Variants in GPR89B observed in about 807,000 individuals in gnomAD.
GPR89B encodes golgi pH regulator B, also known as G protein-coupled receptor 89B.
Under a neutral mutation model 52.4 loss-of-function variants are expected in GPR89B, and 25 were observed. The ratio of observed to expected loss-of-function variants is 0.48; its 90% CI spans 0.35 to 0.67. GPR89B has a LOEUF of 0.67. GPR89B is among the 30% of genes least tolerant of loss of function. The pLI is 0.01. For missense variants in GPR89B, 146 were observed against 450.2 expected (o/e 0.32, Z 6.11); for synonymous variants, 52 against 151.2 (o/e 0.34, Z 4.81).
chr1:148,004,306 G>A, the GPR89B span, among the ~76,000 whole-genome samples: 9 of 151,272 alleles, frequency 5.9e-5, no homozygotes, highest in African/African-American at 1.9e-4. Context: ...ACAGGCGCCC[G>A]CCACCGCACC....
At chr1:148,009,096 G>A in the GPR89B span, among the ~76,000 whole-genome samples, 1 of 152,116 alleles carries the variant, frequency 6.6e-6, no homozygotes, top group African/African-American at 2.4e-5. Context: ...AAACACTCAG[G>A]GACAGGAGTA....
chr1:148,002,516 A>G, the GPR89B span, among the ~76,000 whole-genome samples: 1 of 152,150 alleles, frequency 6.6e-6, no homozygotes, highest in Non-Finnish European at 1.5e-5. Flanking sequence ...TTGGAACTAA[A>G]CAACTATTTG....
downstream of GPR89B, among the ~76,000 whole-genome samples, chr1:147,997,059 T>C (rs1484545707): frequency 1.3e-5 from 2 of 152,228 alleles, no homozygotes; most frequent in African/African-American, 2.4e-5. Context: ...TTCATGATAG[T>C]GAGCAAGTCA....
At chr1:147,945,156 T>TA (rs1654863546) in intron 5 of GPR89B, among the ~76,000 whole-genome samples, 1 of 138,646 alleles carries the variant, frequency 7.2e-6, no homozygotes, top group Non-Finnish European at 1.5e-5. Flanking sequence ...GTCTATGACA[T>TA]CAGGGACCTC....
the GPR89B span, among the ~76,000 whole-genome samples, chr1:148,007,355 G>C: frequency 6.6e-6 from 1 of 152,078 alleles, no homozygotes; most frequent in South Asian, 2.1e-4. Flanking sequence ...GATTACAGGC[G>C]TGAGCCACTG....
At chr1:147,987,244 C>T (rs1245643450) in intron 11 of GPR89B, among the ~76,000 whole-genome samples, 2 of 152,236 alleles carry the variant, frequency 1.3e-5, no homozygotes, top group South Asian at 2.1e-4. Flanking sequence ...TTACAGGCCA[C>T]GCAGTACTGT....
At chr1:147,991,658 G>C (rs1208476032) in intron 12 of GPR89B, among the ~76,000 whole-genome samples, 3 of 152,108 alleles carry the variant, frequency 2.0e-5, no homozygotes, top group African/African-American at 4.8e-5. Context: ...TAGCATGAAG[G>C]GCTGTTGAAT....
the GPR89B span, among the ~76,000 whole-genome samples, chr1:148,007,077 CTT>C: frequency 1.5e-4 from 20 of 136,512 alleles, no homozygotes; most frequent in South Asian, 2.3e-4. Flanking sequence ...GCATTTTTGG[CTT>C]TTTTTTTTTT....
At chr1:148,019,250 C>G in the GPR89B span, among the ~76,000 whole-genome samples, 1 of 151,534 alleles carries the variant, frequency 6.6e-6, no homozygotes, top group Non-Finnish European at 1.5e-5. Context: ...GCTGAGATTA[C>G]AGATGTGAAC....
the GPR89B span, among the ~76,000 whole-genome samples, chr1:147,998,875 T>C: frequency 7.7e-6 from 1 of 129,196 alleles, no homozygotes; most frequent in Admixed American, 7.8e-5. Context: ...CGGGAGACTC[T>C]GTCTCAAAAA....
Position 147,937,387 on chromosome 1 carries a change from A to G in GPR89B, c.102+701A>G, listed in dbSNP as rs1553248132. Among the ~76,000 whole-genome samples the G allele has an allele frequency of 2.0e-5, 3 of 152,212 alleles. No individual in the cohort carries two copies. The East Asian group carries it at 5.8e-4, about 29-fold the overall frequency. On this transcript the variant is annotated intron_variant, in intron 2 of 13. Transcript: ENST00000314163. Reference sequence around the variant, plus strand: ...AGGGTCTGTGTCCCACTGTGCACACATTGTCTTTATAAACATTTTAACAGG... The same window carrying G: ...AGGGTCTGTGTCCCACTGTGCACACGTTGTCTTTATAAACATTTTAACAGG...
Position 147,992,543 on chromosome 1 carries a change from T to C in GPR89B, c.1137T>C (p.Ile379=). ...AISSSKSSNV[I]VLLLAQIMGM... ...CTAGCAGTAAGTCCTCCAATGTCAT[T>C]GTCCTGCTATTAGCACAGATAATGG... Residue 379 remains isoleucine, a synonymous_variant, in exon 13 of 14, where the codon ATT becomes ATC. Transcript: ENST00000314163. The C allele has an allele frequency of 1.2e-6, 2 of 1,611,568 alleles. No individual in the cohort carries two copies. Among genetic ancestry groups the C allele is most frequent in the Non-Finnish European group, 8.5e-7 (1 of 1,179,624 alleles).
At chr1:147,943,220 A>G (rs1267623183) in intron 3 of GPR89B, among the ~76,000 whole-genome samples, 1 of 151,892 alleles carries the variant, frequency 6.6e-6, no homozygotes, top group Admixed American at 6.6e-5. Flanking sequence ...ATTTTAATAT[A>G]TGAAATTCTT....
the GPR89B span, among the ~76,000 whole-genome samples, chr1:148,016,996 T>TTG: frequency 1.3e-5 from 2 of 151,066 alleles, no homozygotes. Flanking sequence ...TTTGGTTTTG[T>TTG]CTTGCTTGCT....
In GPR89B at chr1:147,969,869, G is replaced by C; in HGVS notation, c.819G>C (p.Glu273Asp). 6.9e-7 allele frequency: 1 copy of C among 1,449,014 alleles called. No individual in the cohort carries two copies. The highest frequency in any genetic ancestry group is 9.3e-7 in the Non-Finnish European group (1 of 1,075,532). 89.8% of individuals were successfully genotyped at this position (1,449,014 alleles called of 1,614,324 possible). A position where few individuals can be genotyped will look rare whatever the true frequency, so the allele number is the denominator to read the frequency against. The change falls in exon 10 of 14, where the codon GAG becomes GAC. Residue 273 changes from glutamate to aspartate, a missense_variant and splice_region_variant. Physicochemically the swap from Glu to Asp is conservative, Grantham distance 45 (BLOSUM62 2). Transcript: ENST00000314163. The part of the protein sequence containing the change: ...LETADLYATK[E>D]RIEYSKTFKG... Reference sequence around the variant, plus strand: ...GTTTTGTGTTTGTTTTCCCCCAGGAGAGAATAGAATACTCCAAAACCTTCA... The same window carrying C: ...GTTTTGTGTTTGTTTTCCCCCAGGACAGAATAGAATACTCCAAAACCTTCA...
the GPR89B span, among the ~76,000 whole-genome samples, chr1:148,009,158 A>G: frequency 6.6e-6 from 1 of 152,130 alleles, no homozygotes; most frequent in African/African-American, 2.4e-5. Context: ...CCATTGCACA[A>G]CTGTGCAAGG....
downstream of GPR89B, among the ~76,000 whole-genome samples, chr1:147,998,106 T>C (rs1484769109): frequency 5.3e-5 from 8 of 150,500 alleles, no homozygotes; most frequent in Admixed American, 6.6e-5. Flanking sequence ...ACTGGCTGTT[T>C]TAGTTGAGAC....
intron 10 of GPR89B, among the ~76,000 whole-genome samples, chr1:147,971,625 T>C (rs1205560394): frequency 6.6e-6 from 1 of 151,482 alleles, no homozygotes; most frequent in Admixed American, 6.6e-5. Flanking sequence ...TACAGGTGTG[T>C]GCCACAACGC....
At chr1:147,943,199 T>TA (rs1488360764) in intron 3 of GPR89B, among the ~76,000 whole-genome samples, 1 of 151,372 alleles carries the variant, frequency 6.6e-6, no homozygotes, top group Non-Finnish European at 1.5e-5. Context: ...ATCAAAAACA[T>TA]AAACATTCTT....
Sources: allele counts gnomAD v4.1 joint callset (sites outside exome capture counted in the v4.1 genomes callset), GRCh38; gene constraint gnomAD v4.1.1; transcripts MANE v1.5; gene names NCBI Gene and HGNC (gene_info 2026-07-23, HGNC 2026-07-21).